The following C7orf25 variants were observed in gnomAD, a reference collection of about 807,000 sequenced individuals.
C7orf25 encodes the protein chromosome 7 open reading frame 25, also known as UPF0415 protein C7orf25.
In C7orf25, 14 loss-of-function variants were observed where a neutral mutation model predicts 25.5. The observed-to-expected ratio is 0.55, with a 90% CI of 0.36 to 0.86. The LOEUF (loss-of-function observed/expected upper bound fraction) is 0.86, where lower values mean the gene tolerates loss of function less well. C7orf25 is among the 40% of genes least tolerant of loss of function. The pLI is 0.01. For missense variants in C7orf25, 405 were observed against 493.9 expected, an observed-to-expected ratio of 0.82 and a Z score of 1.71; for synonymous variants, 184 against 179.9, an observed-to-expected ratio of 1.02 and a Z score of -0.18.
At position 42,909,919 on chromosome 7, in the gene C7orf25, T is replaced by C. The variant is rs1785843000; in HGVS notation, c.982A>G (p.Thr328Ala). 1 of 1,614,200 alleles carries C rather than the reference T, an allele frequency of 6.2e-7. No individual in the cohort carries two copies. The highest frequency in any genetic ancestry group is 8.5e-7 in the Non-Finnish European group (1 of 1,180,048). ...ACATTAATTCGCTTAATTAACACAG[T>C]GGCCCTCTCTCTCTCCCCAGGTCCT... Reference protein sequence around the residue: ...LGGPGERERATVLIKRINVVP... With the variant: ...LGGPGERERAAVLIKRINVVP... The change falls in exon 2 of 2, where the codon ACT becomes GCT. Residue 328 changes from threonine (T) to alanine (A), a missense_variant. Coordinates refer to ENST00000350427, the MANE Select transcript of C7orf25 (RefSeq NM_001099858.2).
chr7:42,911,498 G>T, intron 1 of C7orf25: 2 of 1,000,652 alleles, frequency 2.0e-6, no homozygotes, highest in Non-Finnish European at 2.4e-6. Flanking sequence ...CCTCATTTCT[G>T]CATTTGACGT....
At position 42,910,892 on chromosome 7, in the gene C7orf25, T is replaced by C. The variant is rs776694292; in HGVS notation, c.9A>G (p.Ala3=). Residue 3 remains alanine (A), a synonymous_variant, in exon 2 of 2, where the codon GCA becomes GCG. Coordinates refer to ENST00000350427, the MANE Select transcript of C7orf25 (RefSeq NM_001099858.2). MS[A]HSMLCERIAI... The stretch of plus-strand genomic sequence containing the variant: ...CGATTCGTTCACAGAGCATGGAATG[T>C]GCAGACATGCTGTCAGCATTATTCC... 1.2e-6 allele frequency: 2 copies of C among 1,613,652 alleles called. No individual in the cohort carries two copies. Among genetic ancestry groups the C allele is most frequent in the Non-Finnish European group, 1.7e-6 (2 of 1,179,958 alleles).
chr7:42,911,779 C>G, intron 1 of C7orf25, 136 bp downstream of exon 1: 1 of 1,243,646 alleles, frequency 8.0e-7, no homozygotes, highest in Non-Finnish European at 1.0e-6. Flanking sequence ...CCACCGCCAG[C>G]GCCGCGGCTC....
Position 42,911,939 on chromosome 7 carries a change from G to A in C7orf25, c.-46C>T. Reference sequence around the variant, plus strand: ...CCGGCAGCGCCAGAACCGCGAGCGCGAGCACGCAGGCGCGTGCACGCAGAG... The same window carrying A: ...CCGGCAGCGCCAGAACCGCGAGCGCAAGCACGCAGGCGCGTGCACGCAGAG... On this transcript the variant is annotated 5_prime_UTR_variant, in exon 1 of 2. Coordinates refer to ENST00000350427, the MANE Select transcript of C7orf25 (RefSeq NM_001099858.2). 6.7e-7 allele frequency: 1 copy of A among 1,481,604 alleles called. No individual in the cohort carries two copies. Among genetic ancestry groups the A allele is most frequent in the Non-Finnish European group, 8.9e-7 (1 of 1,123,614 alleles). The allele number at this position is 1,481,604 out of a possible 1,614,324, so 91.8% of individuals were successfully genotyped here. A position where few individuals can be genotyped will look rare whatever the true frequency, so the allele number is the denominator to read the frequency against.
rs755047534 is a variant in C7orf25 at position 42,910,086 on chromosome 7, T to G, written c.815A>C (p.Lys272Thr). ...TGCTTGTTCTGTGAGCACTTTCTCTTTGAAAATAAAGTGGCAGCCTCCATA... is the reference window on the plus strand; with the variant it reads ...TGCTTGTTCTGTGAGCACTTTCTCTGTGAAAATAAAGTGGCAGCCTCCATA... ...LSYGGCHFIF[K>T]EKVLTEQAEQ... Residue 272 changes from lysine to threonine, a missense_variant, in exon 2 of 2, where the codon AAA (lysine) becomes ACA (threonine). Lys to Thr is a moderately conservative substitution (Grantham distance 78). Transcript: ENST00000350427. 4.2e-5 allele frequency: 67 copies of G among 1,614,078 alleles called. No individual in the cohort carries two copies. The highest frequency in any genetic ancestry group is 5.7e-5 in the Non-Finnish European group (67 of 1,180,036).
In C7orf25 at chr7:42,910,805, T is replaced by C. The variant is rs760598762; in HGVS notation, c.96A>G (p.Ile32Met). Residue 32 changes from isoleucine to methionine, a missense_variant, in exon 2 of 2, where the codon ATA becomes ATG. By Grantham distance (10) the Ile-to-Met change is conservative (BLOSUM62 1). Coordinates refer to ENST00000350427, the MANE Select transcript of C7orf25 (RefSeq NM_001099858.2). Reference sequence around the variant, plus strand: ...TGCTGCACAGCTTTGCACCACCTTCTATGCCACCTTTTCTTGATCTAGAAA... The same window carrying C: ...TGCTGCACAGCTTTGCACCACCTTCCATGCCACCTTTTCTTGATCTAGAAA... ...ESLSRSRKGGIEGGAKLCSKL... is the reference protein window; with the variant it reads ...ESLSRSRKGGMEGGAKLCSKL... The C allele has an allele frequency of 6.2e-7, 1 of 1,614,254 alleles. No homozygotes were observed.
At position 42,909,849 on chromosome 7, in the gene C7orf25, C is replaced by G. The variant is rs776508518; in HGVS notation, c.1052G>C (p.Ser351Thr). ...TAATGAGCGGCTATTAATTTTTGAA[C>G]TGGCCACTAGTCTCAAGGCACGCTC... ...PSERALRLVA[S>T]SKINSRSLTI... The change falls in exon 2 of 2, where the codon AGT becomes ACT. Residue 351 changes from serine to threonine, a missense_variant. Ser to Thr is a moderately conservative substitution (Grantham distance 58, BLOSUM62 1). Coordinates refer to ENST00000350427, the MANE Select transcript of C7orf25 (RefSeq NM_001099858.2). 2 of 1,614,232 alleles carry G rather than the reference C, an allele frequency of 1.2e-6. No homozygotes were observed. The highest frequency in any genetic ancestry group is 1.7e-6 in the Non-Finnish European group (2 of 1,180,050).
At chr7:42,911,026 G>A in intron 1 of C7orf25, 105 bp from the exon 2 acceptor site, 2 of 1,561,396 alleles carry the variant, frequency 1.3e-6, no homozygotes, top group Non-Finnish European at 1.7e-6. Flanking sequence ...CTTATGGAGG[G>A]TGAGTCTATG....
Position 42,910,765 on chromosome 7 carries a change from A to T in C7orf25, c.136T>A (p.Leu46Ile). ...GCTTCTACTTTCTGCAAGAATTTTA[A>T]TTCTGCCTTCAATTTGCTGCACAGC... ...AKLCSKLKAE[L>I]KFLQKVEAGK... Residue 46 changes from leucine (L) to isoleucine (I), a missense_variant, in exon 2 of 2, where the codon TTA (leucine) becomes ATA (isoleucine). Physicochemically the swap from Leu to Ile is conservative, Grantham distance 5. Transcript: ENST00000350427. 6.2e-7 allele frequency: 1 copy of T among 1,614,190 alleles called. No individual in the cohort carries two copies. Among genetic ancestry groups the T allele is most frequent in the Non-Finnish European group, 8.5e-7 (1 of 1,180,028 alleles).
At chr7:42,911,665 G>C in intron 1 of C7orf25, 1 of 1,123,578 alleles carries the variant, frequency 8.9e-7, no homozygotes, top group South Asian at 4.4e-5. Context: ...GGGTGGGCGG[G>C]CCAGAGGCCG....
Position 42,910,093 on chromosome 7 carries a change from T to C in C7orf25, c.808A>G (p.Ile270Val), listed in dbSNP as rs372296754. 4 of 1,614,168 alleles carry C rather than the reference T, an allele frequency of 2.5e-6. No individual in the cohort carries two copies. Among genetic ancestry groups the C allele is most frequent in the African/African-American group, 1.3e-5 (1 of 75,026 alleles). The change falls in exon 2 of 2, where the codon ATT becomes GTT. Residue 270 changes from isoleucine (I) to valine (V), a missense_variant. Coordinates refer to ENST00000350427, the MANE Select transcript of C7orf25 (RefSeq NM_001099858.2). The stretch of plus-strand genomic sequence containing the variant: ...TCTGTGAGCACTTTCTCTTTGAAAA[T>C]AAAGTGGCAGCCTCCATAGCTGAGG... ...SALSYGGCHF[I>V]FKEKVLTEQA...
Position 42,910,207 on chromosome 7 carries a change from CTAGTA to C in C7orf25, c.689_693del (p.Ile230SerfsTer10). ...ATTTCTGTTGGAAACGCAACACTTG[CTAGTA>C]TATTTTCTCGGTCAACTCTGGTCAC... On this transcript the variant is annotated frameshift_variant, in exon 2 of 2. Transcript: ENST00000350427. LOFTEE classifies it high-confidence loss of function. 1 of 1,614,188 alleles carries C rather than the reference CTAGTA, an allele frequency of 6.2e-7. No individual in the cohort carries two copies. The highest frequency in any genetic ancestry group is 8.5e-7 in the Non-Finnish European group (1 of 1,180,042).
Position 42,909,302 on chromosome 7 carries a change from A to T in C7orf25, c.*333T>A. 1 of 218,014 alleles carries T rather than the reference A, an allele frequency of 4.6e-6. No homozygotes were observed. The highest frequency in any genetic ancestry group is 9.0e-6 in the Non-Finnish European group (1 of 111,690). 13.5% of individuals were successfully genotyped at this position (218,014 alleles called of 1,614,324 possible). ...ATTTTCTCCAGATATTTAATGCAAG[A>T]TGCAATGTAGCCATATTCCATGAAA... is the stretch of plus-strand genomic sequence containing the variant. On this transcript the variant is annotated 3_prime_UTR_variant, in exon 2 of 2. Transcript: ENST00000350427.
intron 1 of C7orf25, 82 bp downstream of exon 1, chr7:42,911,832 CG>C: frequency 7.7e-7 from 1 of 1,300,816 alleles, no homozygotes; most frequent in Non-Finnish European, 9.8e-7. Flanking sequence ...CCCTTCCCGC[CG>C]GGCCGGCCCT....
intron 1 of C7orf25, chr7:42,911,439 T>C: frequency 9.9e-7 from 1 of 1,006,986 alleles, no homozygotes; most frequent in Admixed American, 5.4e-5. Context: ...GGCTGCCTCA[T>C]GATTTCCCCC....
rs1011045572 is a variant in C7orf25 at position 42,909,667 on chromosome 7, G to A, written c.1234C>T (p.Pro412Ser). ...TCACTGTCAGTTGTGTAGTCTTTTGGTAAGGGGGTGGCTAGAGCCTCTTTA... is the reference window on the plus strand; with the variant it reads ...TCACTGTCAGTTGTGTAGTCTTTTGATAAGGGGGTGGCTAGAGCCTCTTTA... Reference protein sequence around the residue: ...ESKEALATPLPKDYTTDSEH With the variant: ...ESKEALATPLSKDYTTDSEH Residue 412 changes from proline to serine, a missense_variant, in exon 2 of 2, where the codon CCA becomes TCA. By Grantham distance (74) the Pro-to-Ser change is moderately conservative. Transcript: ENST00000350427. The A allele has an allele frequency of 3.7e-6, 6 of 1,613,642 alleles. No homozygotes were observed. The highest frequency in any genetic ancestry group is 5.1e-6 in the Non-Finnish European group (6 of 1,179,888).
In C7orf25 at chr7:42,909,751, T is replaced by C. The variant is rs749122413; in HGVS notation, c.1150A>G (p.Asn384Asp). Reference sequence around the variant, plus strand: ...ACACTAAATTTAACACCCTGGTTGTTTGCAGCTCTGACAAAACCACTATTA... The same window carrying C: ...ACACTAAATTTAACACCCTGGTTGTCTGCAGCTCTGACAAAACCACTATTA... ...TANSGFVRAA[N>D]NQGVKFSVFI... Residue 384 changes from asparagine to aspartate, a missense_variant, in exon 2 of 2, where the codon AAC (asparagine) becomes GAC (aspartate). Physicochemically the swap from Asn to Asp is conservative, Grantham distance 23. Coordinates refer to ENST00000350427, the MANE Select transcript of C7orf25 (RefSeq NM_001099858.2). 6 of 1,614,218 alleles carry C rather than the reference T, an allele frequency of 3.7e-6. No homozygotes were observed. The highest frequency in any genetic ancestry group is 5.1e-6 in the Non-Finnish European group (6 of 1,180,034).
At position 42,910,878 on chromosome 7, in the gene C7orf25, C is replaced by A. The variant is rs1472653985; in HGVS notation, c.23G>T (p.Cys8Phe). The A allele has an allele frequency of 6.2e-7, 1 of 1,614,004 alleles. No individual in the cohort carries two copies. Residue 8 changes from cysteine (C) to phenylalanine (F), a missense_variant, in exon 2 of 2, where the codon TGT becomes TTT. Coordinates refer to ENST00000350427, the MANE Select transcript of C7orf25 (RefSeq NM_001099858.2). MSAHSML[C>F]ERIAIAKELI... ...TTCCTTGGCTATGGCGATTCGTTCACAGAGCATGGAATGTGCAGACATGCT... is the reference window on the plus strand; with the variant it reads ...TTCCTTGGCTATGGCGATTCGTTCAAAGAGCATGGAATGTGCAGACATGCT...
rs1279625042 is a variant in C7orf25 at position 42,912,018 on chromosome 7, C to G, written c.-125G>C. ...GGCAGCCCCCACCCCGCTCGAACGC[C>G]GAGGCGGCTCCACCCGCGCGAGCCC... On this transcript the variant is annotated 5_prime_UTR_variant, in exon 1 of 2. Transcript: ENST00000350427. The G allele has an allele frequency of 6.7e-6, 10 of 1,483,538 alleles. No homozygotes were observed. Among genetic ancestry groups the G allele is most frequent in the Admixed American group, 2.3e-5 (1 of 42,958 alleles). 91.9% of individuals were successfully genotyped at this position (1,483,538 alleles called of 1,614,324 possible). A position where few individuals can be genotyped will look rare whatever the true frequency, so the allele number is the denominator to read the frequency against.
Sources: gnomAD v4.1 joint callset for allele counts on GRCh38, gnomAD v4.1.1 for gene constraint, MANE v1.5 for transcripts, NCBI Gene and HGNC (gene_info 2026-07-23, HGNC 2026-07-21) for gene names.